Variants in CLASP2 observed in about 807,000 individuals in gnomAD.
CLASP2 encodes the protein CLIP-associating protein 2.
CLASP2 carries 47 observed loss-of-function variants against 194.4 expected under a neutral mutation model. The observed-to-expected ratio is 0.24, with a 90% confidence interval of 0.19 to 0.31. The LOEUF (loss-of-function observed/expected upper bound fraction) is 0.31, where lower values mean the gene tolerates loss of function less well. Among genes scored for constraint, CLASP2 ranks in the 10% least tolerant of loss-of-function variants. The pLI is 1.00. For synonymous variants in CLASP2, 619 were observed against 633.5 expected (o/e 0.98, Z 0.34); for missense variants, 1,445 against 1,823.6 (o/e 0.79, Z 3.78).
At chr3:33,672,140 C>T (rs948223842) in intron 6 of CLASP2, among the ~76,000 whole-genome samples, 25 of 152,374 alleles carry the variant, frequency 1.6e-4, no homozygotes, top group African/African-American at 6.0e-4. Context: ...AGACTGCCTC[C>T]TCAAGTGGGT....
At chr3:33,518,727 C>T (rs1166662110) in intron 34 of CLASP2, among the ~76,000 whole-genome samples, 1 of 152,174 alleles carries the variant, frequency 6.6e-6, no homozygotes, top group Non-Finnish European at 1.5e-5. Flanking sequence ...AGTCAGTTAT[C>T]TTTTCCATGA....
At chr3:33,538,196 C>A (rs1023295117) in intron 33 of CLASP2, among the ~76,000 whole-genome samples, 3 of 151,928 alleles carry the variant, frequency 2.0e-5, no homozygotes, top group Non-Finnish European at 4.4e-5. Flanking sequence ...TTTTCTCTCA[C>A]AATGGTCCAA....
intron 29 of CLASP2, among the ~76,000 whole-genome samples, chr3:33,557,216 C>T (rs1045168621): frequency 2.6e-5 from 4 of 152,112 alleles, no homozygotes; most frequent in East Asian, 1.9e-4. Flanking sequence ...TCAAGTGATC[C>T]GCCTGCCTCA....
intron 13 of CLASP2, among the ~76,000 whole-genome samples, chr3:33,608,844 CCGGGTT>C (rs2074486322): frequency 1.3e-5 from 2 of 150,044 alleles, no homozygotes; most frequent in South Asian, 4.3e-4. Context: ...CCTCTGCCTC[CCGGGTT>C]CAAGTGATTC....
intron 34 of CLASP2, among the ~76,000 whole-genome samples, chr3:33,527,773 C>A (rs988630340): frequency 1.3e-5 from 2 of 151,962 alleles, no homozygotes; most frequent in African/African-American, 2.4e-5. Flanking sequence ...ACCAGCCTGG[C>A]CAACATAGTT....
chr3:33,597,916 C>T (rs752702716), intron 18 of CLASP2, among the ~76,000 whole-genome samples: 12 of 151,996 alleles, frequency 7.9e-5, no homozygotes, highest in Non-Finnish European at 1.2e-4. Flanking sequence ...CCACGCCTGG[C>T]TAATTTTTGT....
chr3:33,512,556 A>G (rs1364250471), intron 36 of CLASP2, among the ~76,000 whole-genome samples: 1 of 120,804 alleles, frequency 8.3e-6, no homozygotes, highest in African/African-American at 3.7e-5. Context: ...TTAGAGTATA[A>G]TAAAAAAAAA....
At chr3:33,629,286 T>C (rs1312315967) in intron 9 of CLASP2, among the ~76,000 whole-genome samples, 3 of 152,132 alleles carry the variant, frequency 2.0e-5, no homozygotes, top group African/African-American at 7.2e-5. Context: ...AGAAAGAGCT[T>C]GAACCTACAT....
chr3:33,677,076 A>T (rs995126123), intron 6 of CLASP2, among the ~76,000 whole-genome samples: 21 of 151,840 alleles, frequency 1.4e-4, no homozygotes, highest in African/African-American at 5.1e-4. Flanking sequence ...GAGGATGTGG[A>T]GAAATAGGAA....
intron 34 of CLASP2, among the ~76,000 whole-genome samples, chr3:33,524,440 A>G (rs2053954599): frequency 6.6e-6 from 1 of 152,132 alleles, no homozygotes; most frequent in Non-Finnish European, 1.5e-5. Flanking sequence ...ACTTAAGCTC[A>G]GGAGTTTAAG....
Position 33,689,521 on chromosome 3 carries a change from T to C in CLASP2, c.378+308A>G, listed in dbSNP as rs2154347580. On this transcript the variant is annotated intron_variant, in intron 3 of 38. Transcript: ENST00000682230. ...TTCAGTGTTCTCAAAATAAGCTTTC[T>C]CAATAAACATTTTATAATTTACAAA... 1.3e-5 allele frequency among the ~76,000 whole-genome samples: 2 copies of C among 152,140 alleles called. 1 individual carries two copies. Among genetic ancestry groups the C allele is most frequent in the South Asian group, 4.1e-4 (2 of 4,824 alleles).
chr3:33,680,314 A>G (rs2154342727), intron 6 of CLASP2, among the ~76,000 whole-genome samples: 1 of 152,352 alleles, frequency 6.6e-6, no homozygotes, highest in South Asian at 2.1e-4. Context: ...CATGAAATAT[A>G]TAACACCAAG....
intron 21 of CLASP2, among the ~76,000 whole-genome samples, chr3:33,589,195 G>T (rs775274922): frequency 6.6e-6 from 1 of 151,998 alleles, no homozygotes; most frequent in Admixed American, 6.6e-5. Flanking sequence ...GGGAGGAGAG[G>T]AGACAAAGTT....
chr3:33,619,463 G>A lies in CLASP2; in HGVS notation c.1317+140C>T, dbSNP rs576361559. On this transcript the variant is annotated intron_variant, in intron 12 of 38. Transcript: ENST00000682230. ...CAGAAAAATAATTCAAAAATGATTT[G>A]CTTTTGGGGTTCAAAAAGAAACTCC... The A allele has an allele frequency of 1.0e-5, 7 of 695,502 alleles. No individual in the cohort carries two copies. The South Asian group carries it at 1.4e-4, about 14-fold the overall frequency. 43.1% of individuals were successfully genotyped at this position (695,502 alleles called of 1,614,324 possible).
At chr3:33,580,049 C>G (rs931276311) in intron 23 of CLASP2, among the ~76,000 whole-genome samples, 3 of 152,130 alleles carry the variant, frequency 2.0e-5, no homozygotes, top group Admixed American at 6.5e-5. Context: ...GACAAAGTAC[C>G]TGCCACACAC....
Position 33,561,043 on chromosome 3 carries a change from G to A in CLASP2, c.2767-72C>T, listed in dbSNP as rs142067489. The A allele has an allele frequency of 2.5e-4, 336 of 1,325,792 alleles. 2 individuals carry two copies. In the East Asian group the frequency reaches 2.7e-3, roughly 10 times the overall value. The allele number at this position is 1,325,792 out of a possible 1,614,324, so 82.1% of individuals were successfully genotyped here. On this transcript the variant is annotated intron_variant, in intron 27 of 38. Transcript: ENST00000682230. Reference sequence around the variant, plus strand: ...TTGACCTCTATGTTCAATTCAAAGCGAATACAGAAAGGAACACAGGAATCA... The same window carrying A: ...TTGACCTCTATGTTCAATTCAAAGCAAATACAGAAAGGAACACAGGAATCA...
chr3:33,541,980 C>T (rs780643609), intron 32 of CLASP2, among the ~76,000 whole-genome samples: 1 of 152,184 alleles, frequency 6.6e-6, no homozygotes, highest in African/African-American at 2.4e-5. Flanking sequence ...TCCTTTTTCT[C>T]CACAACCTTG....
intron 32 of CLASP2, among the ~76,000 whole-genome samples, chr3:33,541,590 TTTG>T: frequency 6.6e-6 from 1 of 152,266 alleles, no homozygotes; most frequent in South Asian, 2.1e-4. Context: ...GCAGTATTTT[TTTG>T]TTGTTGTTCT....
At chr3:33,642,871 C>T (rs756839315) in intron 8 of CLASP2, among the ~76,000 whole-genome samples, 4 of 151,204 alleles carry the variant, frequency 2.6e-5, no homozygotes, top group Non-Finnish European at 4.4e-5. Context: ...AATATACCTG[C>T]AATTGCCAAA....
Sources: gnomAD v4.1 joint callset for allele counts (sites outside exome capture counted in the v4.1 genomes callset) on GRCh38, gnomAD v4.1.1 for gene constraint, MANE v1.5 for transcripts, NCBI Gene and HGNC (gene_info 2026-07-23, HGNC 2026-07-21) for gene names.